C4orf54: variants seen among roughly 807,000 people sequenced by gnomAD.
C4orf54 encodes the protein uncharacterized protein C4orf54.
Under a neutral mutation model 80.1 loss-of-function variants are expected in C4orf54, and 67 were observed. That is an observed-to-expected ratio of 0.84 (90% CI 0.69 to 1.03). C4orf54 has a LOEUF of 1.03. Ranked by LOEUF, C4orf54 falls within the 50% of genes least tolerant of loss-of-function variation. C4orf54 has a pLI of 0.00. For missense variants in C4orf54, 2,434 were observed against 2,253.5 expected, an observed-to-expected ratio of 1.08 and a Z score of -1.62; for synonymous variants, 1,000 against 917.0, an observed-to-expected ratio of 1.09 and a Z score of -1.64.
chr4:99,642,399 G>A (rs535544894), intron 2 of C4orf54, among the ~76,000 whole-genome samples: 23 of 152,296 alleles, frequency 1.5e-4, no homozygotes, highest in African/African-American at 4.8e-4. Flanking sequence ...GGGAAACAGA[G>A]AGAAAAGAAA....
At chr4:99,641,230 C>A (rs1216476994) in intron 2 of C4orf54, 34 bp from the exon 3 acceptor site, 1 of 151,910 alleles carries the variant, frequency 6.6e-6, no homozygotes, top group East Asian at 1.9e-4. Context: ...AAAACATAGT[C>A]AAGGAAAAGA....
intron 1 of C4orf54, among the ~76,000 whole-genome samples, chr4:99,655,324 T>C (rs1042713478): frequency 7.2e-5 from 11 of 152,272 alleles, no homozygotes; most frequent in African/African-American, 2.2e-4. Context: ...GGAGCCAAAA[T>C]TGACACTACT....
rs576106045 is a variant in C4orf54, at chr4:99,637,161, A to G, written c.*4072T>C. 4 of 152,362 alleles carry G rather than the reference A, an allele frequency of 2.6e-5. No individual in the cohort carries two copies. The South Asian group carries it at 8.3e-4, about 32-fold the overall frequency. 9.4% of individuals were successfully genotyped at this position (152,362 alleles called of 1,614,324 possible). A position where few individuals can be genotyped will look rare whatever the true frequency, so the allele number is the denominator to read the frequency against. On this transcript the variant is annotated 3_prime_UTR_variant, in exon 3 of 3. Coordinates refer to ENST00000511828, the MANE Select transcript of C4orf54 (RefSeq NM_001354435.2). ...GGACTTTTTGCCATTAACACTAGCC[A>G]TAAAAAGCAATTATGAAACTTAAAA...
In C4orf54 at chr4:99,649,504, G is replaced by T. The variant is rs1422873734; in HGVS notation, c.5145C>A (p.Ser1715Arg). The change falls in exon 2 of 3, where the codon AGC becomes AGA. Residue 1715 changes from serine to arginine, a missense_variant. Coordinates refer to ENST00000511828, the MANE Select transcript of C4orf54 (RefSeq NM_001354435.2). ...ELSPMVAEPS[S>R]KEAAATFTEA... ...CGGTGAACGTTGCAGCTGCCTCTTT[G>T]CTGGAAGGTTCTGCCACCATTGGGG... 2 of 1,536,170 alleles carry T rather than the reference G, an allele frequency of 1.3e-6. No homozygotes were observed. The highest frequency in any genetic ancestry group is 1.7e-6 in the Non-Finnish European group (2 of 1,146,926).
rs1726926148 is a variant in C4orf54, at chr4:99,654,005, A to G, written c.644T>C (p.Leu215Pro). The stretch of plus-strand genomic sequence containing the variant: ...CCTCTGACCCCCAGGGCAGTGCCCC[A>G]GGGTAAGTTTCATGGTCTGGGGACT... ...RESPQTMKLTLGHCPGGQRAS... is the reference protein window; with the variant it reads ...RESPQTMKLTPGHCPGGQRAS... The change falls in exon 2 of 3, where the codon CTG (leucine) becomes CCG (proline). Residue 215 changes from leucine to proline, a missense_variant. Transcript: ENST00000511828. 6.5e-7 allele frequency: 1 copy of G among 1,536,026 alleles called. No individual in the cohort carries two copies. Among genetic ancestry groups the G allele is most frequent in the Non-Finnish European group, 8.7e-7 (1 of 1,146,876 alleles).
rs1044791596 is a variant in C4orf54, at chr4:99,637,734, A to G, written c.*3499T>C. 5 of 152,150 alleles carry G rather than the reference A, an allele frequency of 3.3e-5. No homozygotes were observed. The highest frequency in any genetic ancestry group is 7.2e-5 in the African/African-American group (3 of 41,444). 9.4% of individuals were successfully genotyped at this position (152,150 alleles called of 1,614,324 possible). ...AAATACAGGGCACCTTTTTCTTTCA[A>G]GTATTTGGGTGAAATAGCATACCCT... On this transcript the variant is annotated 3_prime_UTR_variant, in exon 3 of 3. Coordinates refer to ENST00000511828, the MANE Select transcript of C4orf54 (RefSeq NM_001354435.2).
In C4orf54 at chr4:99,651,499, C is replaced by T; in HGVS notation, c.3150G>A (p.Thr1050=). 2.0e-6 allele frequency: 3 copies of T among 1,536,160 alleles called. No individual in the cohort carries two copies. Among genetic ancestry groups the T allele is most frequent in the South Asian group, 1.2e-5 (1 of 84,044 alleles). The change falls in exon 2 of 3, where the codon ACG becomes ACA. Residue 1050 remains threonine, a synonymous_variant. Coordinates refer to ENST00000511828, the MANE Select transcript of C4orf54 (RefSeq NM_001354435.2). ...AGGCGCTGCCACCGGCCAGCTTGGGCGTGAGCAACTTGGCAATGTTGAAGT... is the reference window on the plus strand; with the variant it reads ...AGGCGCTGCCACCGGCCAGCTTGGGTGTGAGCAACTTGGCAATGTTGAAGT... ...SSDFNIAKLL[T]PKLAGGSASN... is the part of the protein sequence containing the mutation.
Position 99,650,958 on chromosome 4 carries a change from T to A in C4orf54, c.3691A>T (p.Thr1231Ser). 6.5e-7 allele frequency: 1 copy of A among 1,536,072 alleles called. No individual in the cohort carries two copies. Among genetic ancestry groups the A allele is most frequent in the Non-Finnish European group, 8.7e-7 (1 of 1,146,890 alleles). Residue 1231 changes from threonine to serine, a missense_variant, in exon 2 of 3, where the codon ACC (threonine) becomes TCC (serine). By Grantham distance (58) the Thr-to-Ser change is moderately conservative. Transcript: ENST00000511828. ...KIVSKASTQKTPEKLKEEEVK... is the reference protein window; with the variant it reads ...KIVSKASTQKSPEKLKEEEVK... Reference sequence around the variant, plus strand: ...TCCTCCTCCTTGAGCTTCTCTGGGGTCTTCTGGGTGGAAGCCTTGGAGACA... The same window carrying A: ...TCCTCCTCCTTGAGCTTCTCTGGGGACTTCTGGGTGGAAGCCTTGGAGACA...
chr4:99,657,201 T>C (rs1025617766), intron 1 of C4orf54, among the ~76,000 whole-genome samples: 2 of 152,238 alleles, frequency 1.3e-5, no homozygotes, highest in Non-Finnish European at 1.5e-5. Context: ...CATAGTGGAA[T>C]AGAAGGCAGA....
In C4orf54 at chr4:99,650,009, G is replaced by T. The variant is rs1033714203; in HGVS notation, c.4640C>A (p.Pro1547Gln). The T allele has an allele frequency of 7.2e-6, 11 of 1,534,458 alleles. No homozygotes were observed. The highest frequency in any genetic ancestry group is 3.9e-5 in the Admixed American group (2 of 50,966). ...GGGATGCTCGGGGCTCTGTGGCCCTGGGGGGGCAGCTACTGTCTCCCGGGG... is the reference window on the plus strand; with the variant it reads ...GGGATGCTCGGGGCTCTGTGGCCCTTGGGGGGCAGCTACTGTCTCCCGGGG... ...DNPRETVAAP[P>Q]GPQSPEHPPT... The change falls in exon 2 of 3, where the codon CCA (proline) becomes CAA (glutamine). Residue 1547 changes from proline to glutamine, a missense_variant. By Grantham distance (76) the Pro-to-Gln change is moderately conservative. Transcript: ENST00000511828.
chr4:99,650,644 G>C lies in C4orf54; in HGVS notation c.4005C>G (p.Ala1335=), dbSNP rs1030210223. ...TTCTCCGCTGCAGACGTTCTATGGGGGCCCCTCGCAGGACCACACCAGCTT... is the reference window on the plus strand; with the variant it reads ...TTCTCCGCTGCAGACGTTCTATGGGCGCCCCTCGCAGGACCACACCAGCTT... ...GNKAGVVLRG[A]PIERLQRRNS... Residue 1335 remains alanine, a synonymous_variant, in exon 2 of 3, where the codon GCC becomes GCG. Coordinates refer to ENST00000511828, the MANE Select transcript of C4orf54 (RefSeq NM_001354435.2). 6.5e-7 allele frequency: 1 copy of C among 1,536,036 alleles called. No homozygotes were observed. The highest frequency in any genetic ancestry group is 1.2e-5 in the South Asian group (1 of 84,050).
In C4orf54 at chr4:99,638,326, T is replaced by C. The variant is rs1726546757; in HGVS notation, c.*2907A>G. ...TTTTAAAAACATACATTCTGGCGAA[T>C]TAAATTTTTATACGGTTACACATGT... On this transcript the variant is annotated 3_prime_UTR_variant, in exon 3 of 3. Transcript: ENST00000511828. 6.6e-6 allele frequency: 1 copy of C among 152,180 alleles called. No individual in the cohort carries two copies. 9.4% of individuals were successfully genotyped at this position (152,180 alleles called of 1,614,324 possible). A position where few individuals can be genotyped will look rare whatever the true frequency, so the allele number is the denominator to read the frequency against.
chr4:99,655,100 A>G (rs1402631735), intron 1 of C4orf54, among the ~76,000 whole-genome samples: 1 of 152,182 alleles, frequency 6.6e-6, no homozygotes, highest in Non-Finnish European at 1.5e-5. Context: ...AAATCAGATG[A>G]GTTTTGGTAG....
Position 99,654,093 on chromosome 4 carries a change from C to T in C4orf54, c.556G>A (p.Ala186Thr). The T allele has an allele frequency of 6.5e-7, 1 of 1,536,166 alleles. No homozygotes were observed. The highest frequency in any genetic ancestry group is 8.7e-7 in the Non-Finnish European group (1 of 1,146,906). Residue 186 changes from alanine to threonine, a missense_variant, in exon 2 of 3, where the codon GCC becomes ACC. By Grantham distance (58) the Ala-to-Thr change is moderately conservative. Transcript: ENST00000511828. ...QQLWPLPKPS[A>T]SSQREAKYVD... ...TATTTCGCTTCTCGCTGGGAGGAGG[C>T]TGAAGGCTTGGGAAGTGGCCACAGC...
At position 99,651,949 on chromosome 4, in the gene C4orf54, G is replaced by C; in HGVS notation, c.2700C>G (p.Ala900=). ...VAGSKSPVFK[A]STPRERNAGP... The stretch of plus-strand genomic sequence containing the variant: ...CTGCGTTGCGCTCGCGAGGAGTACT[G>C]GCTTTGAAGACTGGAGATTTGGAGC... Residue 900 remains alanine (A), a synonymous_variant, in exon 2 of 3, where the codon GCC becomes GCG. Transcript: ENST00000511828. 1 of 1,536,156 alleles carries C rather than the reference G, an allele frequency of 6.5e-7. No homozygotes were observed. The highest frequency in any genetic ancestry group is 2.4e-5 in the East Asian group (1 of 40,906).
Position 99,652,156 on chromosome 4 carries a change from C to T in C4orf54, c.2493G>A (p.Arg831=). The part of the protein sequence containing the change: ...MQREHEFKME[R]GEVMDTSHHL... The stretch of plus-strand genomic sequence containing the variant: ...GGTGGGATGTATCCATGACTTCTCC[C>T]CTCTCCATTTTGAACTCGTGTTCCC... The change falls in exon 2 of 3, where the codon AGG becomes AGA. Residue 831 remains arginine (R), a synonymous_variant. Transcript: ENST00000511828. 6.5e-7 allele frequency: 1 copy of T among 1,536,082 alleles called. No homozygotes were observed. Among genetic ancestry groups the T allele is most frequent in the Non-Finnish European group, 8.7e-7 (1 of 1,146,872 alleles).
In C4orf54 at chr4:99,649,735, AG is replaced by A; in HGVS notation, c.4913del (p.Pro1638LeufsTer11). 1 of 1,536,200 alleles carries A rather than the reference AG, an allele frequency of 6.5e-7. No homozygotes were observed. The highest frequency in any genetic ancestry group is 8.7e-7 in the Non-Finnish European group (1 of 1,146,904). On this transcript the variant is annotated frameshift_variant, in exon 2 of 3. Coordinates refer to ENST00000511828, the MANE Select transcript of C4orf54 (RefSeq NM_001354435.2). LOFTEE classifies it low-confidence loss of function (END_TRUNC). ...VQPMTRRLFD[P>X]ETGQYVDVPM... Reference sequence around the variant, plus strand: ...GCACATCCACATACTGCCCTGTCTCAGGGTCAAACAGTCTCCGGGTCATGGG... The same window carrying A: ...GCACATCCACATACTGCCCTGTCTCAGGTCAAACAGTCTCCGGGTCATGGG...
At chr4:99,654,735 C>G (rs747000223) in intron 1 of C4orf54, 56 bp from the exon 2 acceptor site, 1 of 616,200 alleles carries the variant, frequency 1.6e-6, no homozygotes, top group Non-Finnish European at 2.9e-6. Flanking sequence ...GTGTCCATTC[C>G]GTAGTCATAT....
Position 99,652,732 on chromosome 4 carries a change from A to G in C4orf54, c.1917T>C (p.Phe639=), listed in dbSNP as rs975252084. 4 of 1,536,034 alleles carry G rather than the reference A, an allele frequency of 2.6e-6. No homozygotes were observed. The highest frequency in any genetic ancestry group is 2.6e-6 in the Non-Finnish European group (3 of 1,146,880). Residue 639 remains phenylalanine (F), a synonymous_variant, in exon 2 of 3, where the codon TTT becomes TTC. Transcript: ENST00000511828. Reference sequence around the variant, plus strand: ...CCCGGGAGCTGATGTTCAGAGCCTCAAAGTAGGGGTAAGCCAGGCTCCGGA... The same window carrying G: ...CCCGGGAGCTGATGTTCAGAGCCTCGAAGTAGGGGTAAGCCAGGCTCCGGA... The part of the protein sequence containing the change: ...RAFRSLAYPY[F]EALNISSRES...
Sources: gnomAD v4.1 joint callset for allele counts (sites outside exome capture counted in the v4.1 genomes callset) on GRCh38, gnomAD v4.1.1 for gene constraint, MANE v1.5 for transcripts, NCBI Gene and HGNC (gene_info 2026-07-23, HGNC 2026-07-21) for gene names.